YAP1: variants seen among roughly 807,000 people sequenced by gnomAD.
The protein encoded by YAP1 is Yes1 associated transcriptional regulator.
YAP1 carries 5 observed loss-of-function variants against 56.9 expected under a neutral mutation model. That is an observed-to-expected ratio of 0.09 (90% CI 0.05 to 0.18). The LOEUF is 0.18. Among genes scored for constraint, YAP1 ranks in the 10% least tolerant of loss-of-function variants. The pLI, the probability that YAP1 is intolerant of heterozygous loss-of-function variation, is 1.00. For missense variants in YAP1, 539 were observed against 651.8 expected (o/e 0.83, Z 1.88); for synonymous variants, 265 against 248.1 (o/e 1.07, Z -0.64).
Position 102,205,886 on chromosome 11 carries a change from A to G in YAP1, c.803-7A>G, listed in dbSNP as rs572815073. ...TAGGACAGATTTTTTTTTTCTTTTCATTTCAGCCATGAACCAGAGAATCAG... is the reference window on the plus strand; with the variant it reads ...TAGGACAGATTTTTTTTTTCTTTTCGTTTCAGCCATGAACCAGAGAATCAG... On this transcript the variant is annotated splice_polypyrimidine_tract_variant and splice_region_variant and intron_variant, in intron 4 of 8. Transcript: ENST00000282441. 6.9e-7 allele frequency: 1 copy of G among 1,448,276 alleles called. No individual in the cohort carries two copies. Among genetic ancestry groups the G allele is most frequent in the South Asian group, 1.5e-5 (1 of 65,016 alleles). 89.7% of individuals were successfully genotyped at this position (1,448,276 alleles called of 1,614,324 possible). A position where few individuals can be genotyped will look rare whatever the true frequency, so the allele number is the denominator to read the frequency against.
chr11:102,111,219 C>T (rs750110231), intron 1 of YAP1, 50 bp downstream of exon 1: 391 of 1,591,094 alleles, frequency 2.5e-4, no homozygotes, highest in Non-Finnish European at 3.2e-4. Flanking sequence ...GGCCTCAGAC[C>T]GGGGGGGCGC....
At chr11:102,113,389 A>C (rs1441331787) in intron 1 of YAP1, among the ~76,000 whole-genome samples, 1 of 152,254 alleles carries the variant, frequency 6.6e-6, no homozygotes, top group East Asian at 1.9e-4. Flanking sequence ...TCAGTGTCAC[A>C]CTAGCCAACT....
chr11:102,149,977 C>CT (rs386374692), intron 2 of YAP1, among the ~76,000 whole-genome samples: 4,268 of 50,326 alleles, frequency 0.085, 1,149 homozygotes, highest in Admixed American at 0.12. Context: ...GAGTAGTGTG[C>CT]TTTTTTTTTT....
chr11:102,223,539 CTGA>C (rs1950052186), intron 6 of YAP1, 80 bp from the exon 7 acceptor site: 2 of 1,464,690 alleles, frequency 1.4e-6, no homozygotes, highest in Non-Finnish European at 1.8e-6. Context: ...CACGGTTACT[CTGA>C]TGAACGTTTT....
At chr11:102,175,331 T>G (rs1947179161) in intron 3 of YAP1, among the ~76,000 whole-genome samples, 1 of 151,564 alleles carries the variant, frequency 6.6e-6, no homozygotes, top group South Asian at 2.1e-4. Flanking sequence ...ACCTGGGAGG[T>G]GGAGGCTGCA....
chr11:102,150,802 G>GGTTTTTTT (rs1945595529), intron 2 of YAP1, among the ~76,000 whole-genome samples: 1 of 108,050 alleles, frequency 9.3e-6, no homozygotes, highest in Non-Finnish European at 1.9e-5. Context: ...CATACAAATG[G>GGTTTTTTT]TTTTTTTTTT....
intron 4 of YAP1, among the ~76,000 whole-genome samples, chr11:102,204,082 C>T (rs978198508): frequency 6.6e-6 from 1 of 151,748 alleles, no homozygotes; most frequent in Admixed American, 6.6e-5. Context: ...TGTCTCGGTG[C>T]TGTGCTAGCC....
At chr11:102,195,661 TTC>T (rs1358911300) in intron 4 of YAP1, among the ~76,000 whole-genome samples, 30 of 152,144 alleles carry the variant, frequency 2.0e-4, no homozygotes, top group African/African-American at 6.3e-4. Context: ...GCACTGATTC[TTC>T]TCTCTCCTGC....
At chr11:102,111,937 G>A (rs1037019088) in intron 1 of YAP1, among the ~76,000 whole-genome samples, 2 of 152,028 alleles carry the variant, frequency 1.3e-5, no homozygotes, top group African/African-American at 4.8e-5. Flanking sequence ...TGTTTATGGA[G>A]TTCTTTCACC....
intron 2 of YAP1, among the ~76,000 whole-genome samples, chr11:102,157,044 T>C (rs1224662085): frequency 1.3e-5 from 2 of 152,244 alleles, no homozygotes; most frequent in Non-Finnish European, 2.9e-5. Flanking sequence ...AATGGTCATG[T>C]TTGCTTTTAT....
chr11:102,138,273 T>C (rs1944799818), intron 2 of YAP1, among the ~76,000 whole-genome samples: 1 of 152,264 alleles, frequency 6.6e-6, no homozygotes, highest in Non-Finnish European at 1.5e-5. Flanking sequence ...ATAATAATTC[T>C]GTCATTCGAG....
At chr11:102,150,351 A>G (rs1203341023) in intron 2 of YAP1, among the ~76,000 whole-genome samples, 2 of 152,334 alleles carry the variant, frequency 1.3e-5, no homozygotes, top group South Asian at 2.1e-4. Context: ...CTGCCAATCA[A>G]GAAGTTTCAG....
At chr11:102,156,460 T>G (rs560985373) in intron 2 of YAP1, among the ~76,000 whole-genome samples, 1 of 152,370 alleles carries the variant, frequency 6.6e-6, no homozygotes, top group South Asian at 2.1e-4. Context: ...GCAGACTTTC[T>G]GTAACTAAAA....
intron 3 of YAP1, among the ~76,000 whole-genome samples, chr11:102,177,091 G>A (rs1045612505): frequency 6.6e-6 from 1 of 152,120 alleles, no homozygotes; most frequent in African/African-American, 2.4e-5. Flanking sequence ...AAGAGTTCCT[G>A]CAGGGAGCAA....
chr11:102,122,658 C>T (rs1219991934), intron 2 of YAP1, among the ~76,000 whole-genome samples: 1 of 152,052 alleles, frequency 6.6e-6, no homozygotes, highest in Non-Finnish European at 1.5e-5. Flanking sequence ...CTTCGGAAGG[C>T]CAAGGCGGGC....
At chr11:102,210,711 A>G (rs932065739) in intron 6 of YAP1, among the ~76,000 whole-genome samples, 3 of 151,926 alleles carry the variant, frequency 2.0e-5, no homozygotes, top group African/African-American at 4.8e-5. Flanking sequence ...TTTCTTTGCC[A>G]TTTCTCTGAA....
At chr11:102,212,364 C>G (rs1218046549) in intron 6 of YAP1, among the ~76,000 whole-genome samples, 2 of 151,978 alleles carry the variant, frequency 1.3e-5, no homozygotes, top group Non-Finnish European at 2.9e-5. Context: ...GTGCTGTGCT[C>G]GTGTACACTA....
At chr11:102,145,086 C>T (rs1476073230) in intron 2 of YAP1, among the ~76,000 whole-genome samples, 3 of 152,122 alleles carry the variant, frequency 2.0e-5, no homozygotes, top group Non-Finnish European at 4.4e-5. Context: ...CATTTAATGC[C>T]TCTTGAATTA....
At chr11:102,210,189 G>A (rs1949327639) in intron 6 of YAP1, among the ~76,000 whole-genome samples, 1 of 152,160 alleles carries the variant, frequency 6.6e-6, no homozygotes, top group South Asian at 2.1e-4. Flanking sequence ...TCTAACACAG[G>A]CACTTGTCTG....
Sources: allele counts gnomAD v4.1 joint callset (sites outside exome capture counted in the v4.1 genomes callset), GRCh38; gene constraint gnomAD v4.1.1; transcripts MANE v1.5; gene names NCBI Gene and HGNC (gene_info 2026-07-23, HGNC 2026-07-21).